Variants in PPARGC1A observed in about 807,000 individuals in gnomAD.
PPARGC1A encodes the protein PPARG coactivator 1 alpha, also known as peroxisome proliferator-activated receptor gamma coactivator 1-alpha.
Under a neutral mutation model 88.7 loss-of-function variants are expected in PPARGC1A, and 25 were observed. The ratio of observed to expected loss-of-function variants is 0.28; its 90% CI spans 0.21 to 0.39. The LOEUF (loss-of-function observed/expected upper bound fraction) is 0.39. PPARGC1A is among the 10% of genes least tolerant of loss of function. The pLI is 1.00. For missense variants in PPARGC1A, 880 were observed against 968.7 expected (o/e 0.91, Z 1.22); for synonymous variants, 363 against 355.6 (o/e 1.02, Z -0.24).
At chr4:24,146,538 G>T in the PPARGC1A span, among the ~76,000 whole-genome samples, 1 of 152,190 alleles carries the variant, frequency 6.6e-6, no homozygotes, top group South Asian at 2.1e-4. Flanking sequence ...TGCTGACTAG[G>T]GAGGCACAAC....
At chr4:24,275,380 T>C in the PPARGC1A span, among the ~76,000 whole-genome samples, 1 of 152,236 alleles carries the variant, frequency 6.6e-6, no homozygotes, top group African/African-American at 2.4e-5. Flanking sequence ...TTATGACGCC[T>C]ATTACAGAAC....
At chr4:24,179,264 C>T in the PPARGC1A span, among the ~76,000 whole-genome samples, 1 of 152,084 alleles carries the variant, frequency 6.6e-6, no homozygotes, top group Non-Finnish European at 1.5e-5. Flanking sequence ...CTGGTTGTAA[C>T]AAATTGCAAA....
chr4:24,239,733 A>C, the PPARGC1A span, among the ~76,000 whole-genome samples: 1 of 152,208 alleles, frequency 6.6e-6, no homozygotes, highest in East Asian at 1.9e-4. Flanking sequence ...TATGAAAAAT[A>C]AACCACTTTT....
chr4:24,343,948 C>A, the PPARGC1A span, among the ~76,000 whole-genome samples: 1 of 149,160 alleles, frequency 6.7e-6, no homozygotes, highest in Non-Finnish European at 1.5e-5. Context: ...TATGCCTTTG[C>A]GTCCTCATAG....
chr4:23,863,525 G>A (rs1035055032), intron 2 of PPARGC1A, among the ~76,000 whole-genome samples: 2 of 152,074 alleles, frequency 1.3e-5, no homozygotes, highest in Non-Finnish European at 2.9e-5. Flanking sequence ...TCTATTAGAT[G>A]AGTCCCCAGT....
the PPARGC1A span, among the ~76,000 whole-genome samples, chr4:23,967,276 A>G: frequency 6.6e-6 from 1 of 152,282 alleles, no homozygotes; most frequent in Non-Finnish European, 1.5e-5. Context: ...ACAATCCACC[A>G]CAGAAAACCC....
chr4:24,263,456 T>TACACACACACACACACACACAC, the PPARGC1A span, among the ~76,000 whole-genome samples: 2 of 150,086 alleles, frequency 1.3e-5, no homozygotes, highest in African/African-American at 4.9e-5. Context: ...TGTGGGTGTA[T>TACACACACACACACACACACAC]ACACACACAC....
chr4:23,957,282 A>ATGCCAACAGAGTCATT, the PPARGC1A span, among the ~76,000 whole-genome samples: 1 of 152,004 alleles, frequency 6.6e-6, no homozygotes, highest in Non-Finnish European at 1.5e-5. Flanking sequence ...ACATATGAAA[A>ATGCCAACAGAGTCATT]TGCCAACAGA....
chr4:24,223,921 C>CT, the PPARGC1A span, among the ~76,000 whole-genome samples: 3 of 152,232 alleles, frequency 2.0e-5, no homozygotes, highest in African/African-American at 7.2e-5. Flanking sequence ...ACAGTTTTCC[C>CT]TTTTTTAAGA....
At chr4:24,166,436 C>T in the PPARGC1A span, among the ~76,000 whole-genome samples, 7 of 152,168 alleles carry the variant, frequency 4.6e-5, no homozygotes, top group Non-Finnish European at 1.0e-4. Context: ...GACAAAATAG[C>T]CTTGCACTGG....
At chr4:24,155,941 G>A in the PPARGC1A span, among the ~76,000 whole-genome samples, 3 of 152,144 alleles carry the variant, frequency 2.0e-5, no homozygotes, top group African/African-American at 7.2e-5. Flanking sequence ...CATGCAAAAT[G>A]AGAATGTATA....
chr4:23,997,781 C>T, the PPARGC1A span, among the ~76,000 whole-genome samples: 8 of 152,106 alleles, frequency 5.3e-5, no homozygotes, highest in African/African-American at 7.2e-5. Context: ...CGTGAGCCAC[C>T]GTGCCTGGCC....
At chr4:24,368,502 G>A in the PPARGC1A span, among the ~76,000 whole-genome samples, 11 of 151,932 alleles carry the variant, frequency 7.2e-5, no homozygotes, top group Non-Finnish European at 1.2e-4. Flanking sequence ...CTGAAGCTGG[G>A]TACCTAAGAT....
the PPARGC1A span, among the ~76,000 whole-genome samples, chr4:24,272,350 C>T: frequency 1.3e-5 from 2 of 152,070 alleles, no homozygotes; most frequent in African/African-American, 4.8e-5. Flanking sequence ...ATCCAGGATA[C>T]ACCCCGTGCT....
chr4:24,187,348 TG>T, the PPARGC1A span, among the ~76,000 whole-genome samples: 5,497 of 152,270 alleles, frequency 0.036, 142 homozygotes, highest in South Asian at 0.098. Flanking sequence ...ACTGAGGTGC[TG>T]AGGAATTTGG....
At chr4:23,809,741 TCA>T (rs1196264230) in intron 10 of PPARGC1A, among the ~76,000 whole-genome samples, 1 of 152,210 alleles carries the variant, frequency 6.6e-6, no homozygotes, top group African/African-American at 2.4e-5. Context: ...CTAAATCCAA[TCA>T]CACAGTGCAT....
the PPARGC1A span, among the ~76,000 whole-genome samples, chr4:24,022,695 G>A: frequency 6.6e-6 from 1 of 152,224 alleles, no homozygotes; most frequent in Admixed American, 6.5e-5. Context: ...GATTAGAAAG[G>A]AGCCAGAGTC....
chr4:24,396,701 C>T, the PPARGC1A span, among the ~76,000 whole-genome samples: 1 of 152,104 alleles, frequency 6.6e-6, no homozygotes, highest in African/African-American at 2.4e-5. Context: ...CAAAGAGCAC[C>T]GCATTGCTCC....
At chr4:23,990,588 A>G in the PPARGC1A span, among the ~76,000 whole-genome samples, 1 of 152,088 alleles carries the variant, frequency 6.6e-6, no homozygotes, top group Non-Finnish European at 1.5e-5. Flanking sequence ...CTGGAGACTG[A>G]GTTCCAGCTG....
Sources: allele counts gnomAD v4.1 joint callset (sites outside exome capture counted in the v4.1 genomes callset), GRCh38; gene constraint gnomAD v4.1.1; transcripts MANE v1.5; gene names NCBI Gene and HGNC (gene_info 2026-07-23, HGNC 2026-07-21).